Variants in TMEM132B observed in about 807,000 individuals in gnomAD.
TMEM132B encodes transmembrane protein 132B.
TMEM132B carries 18 observed loss-of-function variants against 90.8 expected under a neutral mutation model. The observed-to-expected ratio is 0.20, with a 90% CI of 0.14 to 0.29. The LOEUF (loss-of-function observed/expected upper bound fraction) is 0.29. TMEM132B is among the 10% of genes least tolerant of loss of function. The pLI is 1.00. For missense variants in TMEM132B, 1,096 were observed against 1,326.8 expected (o/e 0.83, Z 2.70); for synonymous variants, 504 against 523.3 (o/e 0.96, Z 0.50).
Position 125,406,949 on chromosome 12 carries a change from A to G in TMEM132B, c.960-8582A>G, listed in dbSNP as rs1023335665. ...GAGGTCCAGGGCAAGCTCCCAGTTG[A>G]CCTTTCCCAGTGGAGTCGTATGGAC... On this transcript the variant is annotated intron_variant, in intron 2 of 8. Coordinates refer to ENST00000682704, the MANE Select transcript of TMEM132B (RefSeq NM_001366854.1). This position sits in a 1 kb window ranked among gnomAD's most constrained non-coding sequence, Gnocchi z 8.3. Among the ~76,000 whole-genome samples, 1 of 152,220 alleles carries G rather than the reference A, an allele frequency of 6.6e-6. No homozygotes were observed. The highest frequency in any genetic ancestry group is 1.5e-5 in the Non-Finnish European group (1 of 68,038).
chr12:125,313,000 C>T (rs1158337429), intron 1 of TMEM132B, among the ~76,000 whole-genome samples: 1 of 152,180 alleles, frequency 6.6e-6, no homozygotes, highest in African/African-American at 2.4e-5. Flanking sequence ...TGCACATGCT[C>T]AGGATGTGGA....
chr12:125,420,686 T>C (rs1468868411), intron 3 of TMEM132B, among the ~76,000 whole-genome samples: 1 of 152,228 alleles, frequency 6.6e-6, no homozygotes, highest in East Asian at 1.9e-4. Context: ...TGCAGCCAGC[T>C]TGATTTTCTC....
chr12:125,607,774 C>A (rs747742270), intron 5 of TMEM132B, among the ~76,000 whole-genome samples: 4 of 152,176 alleles, frequency 2.6e-5, no homozygotes, highest in Non-Finnish European at 4.4e-5. Context: ...TCCAACCCTT[C>A]CCAGCTCTAG....
At chr12:125,613,498 T>C (rs1255054193) in intron 5 of TMEM132B, among the ~76,000 whole-genome samples, 4 of 151,820 alleles carry the variant, frequency 2.6e-5, no homozygotes, top group Middle Eastern at 3.4e-3. Context: ...CTCTGTTTCC[T>C]GTATGTCTCA....
Position 125,378,883 on chromosome 12 carries a change from C to T in TMEM132B, c.959+28540C>T, listed in dbSNP as rs1053784976. On this transcript the variant is annotated intron_variant, in intron 2 of 8. Coordinates refer to ENST00000682704, the MANE Select transcript of TMEM132B (RefSeq NM_001366854.1). ...TTAATGTCTCTGAGCCTCATTTGCT[C>T]ATATGGGGAGAAGGACACTAGAACT... 6.6e-5 allele frequency among the ~76,000 whole-genome samples: 10 copies of T among 152,298 alleles called. No homozygotes were observed. In the South Asian group the frequency reaches 1.9e-3, roughly 28 times the overall value.
intron 6 of TMEM132B, among the ~76,000 whole-genome samples, chr12:125,645,091 G>C (rs191230062): frequency 6.6e-6 from 1 of 151,846 alleles, no homozygotes; most frequent in Non-Finnish European, 1.5e-5. Context: ...GGTGGTGGGC[G>C]CCTATAGTCC....
At chr12:125,239,622 G>A (rs775039565) in intron 1 of TMEM132B, among the ~76,000 whole-genome samples, 3 of 152,222 alleles carry the variant, frequency 2.0e-5, no homozygotes, top group Non-Finnish European at 4.4e-5. Context: ...CAACAGGATG[G>A]CATGCGTCTT....
chr12:125,501,835 A>T (rs1029979183), intron 3 of TMEM132B, among the ~76,000 whole-genome samples: 1 of 152,222 alleles, frequency 6.6e-6, no homozygotes, highest in African/African-American at 2.4e-5. Context: ...GGCAGAGTGC[A>T]GGTGGATGTC....
chr12:125,601,714 A>T lies in TMEM132B; in HGVS notation c.1437+17720A>T, dbSNP rs183483130. Among the ~76,000 whole-genome samples, 4 of 152,332 alleles carry T rather than the reference A, an allele frequency of 2.6e-5. No homozygotes were observed. The East Asian group carries it at 7.7e-4, about 29-fold the overall frequency. On this transcript the variant is annotated intron_variant, in intron 5 of 8. Transcript: ENST00000682704. Reference sequence around the variant, plus strand: ...AAAAAATTAAATTAGATAGACCACTAGCTAGACTAATAAAGAAGAAAAGAG... The same window carrying T: ...AAAAAATTAAATTAGATAGACCACTTGCTAGACTAATAAAGAAGAAAAGAG...
At chr12:125,546,152 C>T (rs1199175432) in intron 4 of TMEM132B, among the ~76,000 whole-genome samples, 1 of 151,966 alleles carries the variant, frequency 6.6e-6, no homozygotes, top group Non-Finnish European at 1.5e-5. Context: ...AATTTCCATC[C>T]CCAATCCCAG....
intron 5 of TMEM132B, among the ~76,000 whole-genome samples, chr12:125,638,163 G>A (rs1886536086): frequency 6.6e-6 from 1 of 152,208 alleles, no homozygotes; most frequent in Non-Finnish European, 1.5e-5. Flanking sequence ...GAGAGACTGA[G>A]TGGGAAACAT....
chr12:125,520,953 G>T (rs1364096312), intron 4 of TMEM132B, among the ~76,000 whole-genome samples: 1 of 152,180 alleles, frequency 6.6e-6, no homozygotes, highest in African/African-American at 2.4e-5. Context: ...CCCACATTGT[G>T]GTTTGAAGGC....
intron 2 of TMEM132B, among the ~76,000 whole-genome samples, chr12:125,366,894 C>T (rs973124405): frequency 1.1e-4 from 16 of 152,036 alleles, no homozygotes; most frequent in Admixed American, 9.8e-4. Context: ...TTGAATAATT[C>T]CATTGATTTA....
Position 125,652,427 on chromosome 12 carries a change from CG to C in TMEM132B, c.1915-13del. 1 of 1,574,480 alleles carries C rather than the reference CG, an allele frequency of 6.4e-7. No individual in the cohort carries two copies. Among genetic ancestry groups the C allele is most frequent in the East Asian group, 2.3e-5 (1 of 43,856 alleles). ...AGGAGCAGAGATGCATGAGTCTCCT[CG>C]CTGACTTTTCAGGTCCTCTCGCCGT... On this transcript the variant is annotated splice_polypyrimidine_tract_variant and intron_variant, in intron 7 of 8. Coordinates refer to ENST00000682704, the MANE Select transcript of TMEM132B (RefSeq NM_001366854.1).
At chr12:125,535,320 C>CG (rs1566066286) in intron 4 of TMEM132B, among the ~76,000 whole-genome samples, 1 of 152,080 alleles carries the variant, frequency 6.6e-6, no homozygotes, top group African/African-American at 2.4e-5. Flanking sequence ...AGATCCTGAG[C>CG]GGGGGAAAAG....
intron 6 of TMEM132B, among the ~76,000 whole-genome samples, chr12:125,649,608 C>T (rs928755946): frequency 3.3e-5 from 5 of 152,132 alleles, no homozygotes; most frequent in Non-Finnish European, 5.9e-5. Context: ...GATGGATGTC[C>T]GCTCTCATCA....
rs1185295263 is a variant in TMEM132B at position 125,656,968 on chromosome 12, G to A, written c.*2258G>A. 3.3e-5 allele frequency: 5 copies of A among 152,250 alleles called. No individual in the cohort carries two copies. Among genetic ancestry groups the A allele is most frequent in the Non-Finnish European group, 7.3e-5 (5 of 68,060 alleles). The allele number at this position is 152,250 out of a possible 1,614,324, so 9.4% of individuals were successfully genotyped here. Reference sequence around the variant, plus strand: ...ACTGGTAAAGTGAGACGTTGGGTAGGGGGTGTAACTGGGGAGGAGGTGAAG... The same window carrying A: ...ACTGGTAAAGTGAGACGTTGGGTAGAGGGTGTAACTGGGGAGGAGGTGAAG... On this transcript the variant is annotated 3_prime_UTR_variant, in exon 9 of 9. Transcript: ENST00000682704.
chr12:125,200,498 CGCATATAGCAAG>C (rs1178186991), intron 1 of TMEM132B, among the ~76,000 whole-genome samples: 1 of 152,106 alleles, frequency 6.6e-6, no homozygotes, highest in Non-Finnish European at 1.5e-5. Flanking sequence ...TTCCATGGCA[CGCATATAGCAAG>C]GTGTAGCTAG....
At chr12:125,456,550 G>A (rs2136461221) in intron 3 of TMEM132B, among the ~76,000 whole-genome samples, 1 of 152,332 alleles carries the variant, frequency 6.6e-6, no homozygotes, top group East Asian at 1.9e-4. Context: ...TGCCTGCTGA[G>A]GAGCCTTCAG....
Sources: allele counts gnomAD v4.1 joint callset (sites outside exome capture counted in the v4.1 genomes callset), GRCh38; gene constraint gnomAD v4.1.1; non-coding constraint Gnocchi (gnomAD v3.1); transcripts MANE v1.5; gene names NCBI Gene and HGNC (gene_info 2026-07-23, HGNC 2026-07-21).